The following GPT2 variants were observed in gnomAD, a reference collection of about 807,000 sequenced individuals.
The protein encoded by GPT2 is glutamic--pyruvic transaminase 2.
GPT2 carries 30 observed loss-of-function variants against 56.9 expected under a neutral mutation model. The observed-to-expected ratio is 0.53, with a 90% confidence interval of 0.39 to 0.72. GPT2 has a LOEUF of 0.72. GPT2 is among the 30% of genes least tolerant of loss of function. GPT2 has a pLI of 0.00. For missense variants in GPT2, 542 were observed against 703.4 expected (o/e 0.77, Z 2.60); for synonymous variants, 271 against 283.1 (o/e 0.96, Z 0.43).
At chr16:46,890,053 C>A (rs1960557077) in intron 2 of GPT2, among the ~76,000 whole-genome samples, 1 of 152,194 alleles carries the variant, frequency 6.6e-6, no homozygotes, top group Admixed American at 6.5e-5. Context: ...AGTTCAGGGG[C>A]CTACACCCTG....
chr16:46,922,916 T>A (rs1436867903), intron 9 of GPT2, among the ~76,000 whole-genome samples: 1 of 152,176 alleles, frequency 6.6e-6, no homozygotes, highest in Non-Finnish European at 1.5e-5. Flanking sequence ...ACTTCTTTTT[T>A]AAAAAATTGT....
intron 2 of GPT2, among the ~76,000 whole-genome samples, chr16:46,887,499 G>T (rs563229339): frequency 2.0e-5 from 3 of 152,306 alleles, no homozygotes; most frequent in African/African-American, 7.2e-5. Flanking sequence ...GTTAGAGATG[G>T]GATGGGCTAG....
In GPT2 at chr16:46,909,685, C is replaced by T. The variant is rs779101620; in HGVS notation, c.578C>T (p.Thr193Met). Residue 193 changes from threonine to methionine, a missense_variant and splice_region_variant, in exon 6 of 12, where the codon ACG becomes ATG. Transcript: ENST00000340124. ...CTAGATGTGAATTCTCTGTTGCAGACGATCCTGAAGATCCTCGTCTCCGGG... is the reference window on the plus strand; with the variant it reads ...CTAGATGTGAATTCTCTGTTGCAGATGATCCTGAAGATCCTCGTCTCCGGG... The part of the protein sequence containing the change: ...LTTGASDGIS[T>M]ILKILVSGGG... 10 of 1,612,630 alleles carry T rather than the reference C, an allele frequency of 6.2e-6. No individual in the cohort carries two copies. Among genetic ancestry groups the T allele is most frequent in the East Asian group, 2.2e-5 (1 of 44,830 alleles).
At chr16:46,910,418 G>A (rs1275151963) in intron 6 of GPT2, among the ~76,000 whole-genome samples, 2 of 148,986 alleles carry the variant, frequency 1.3e-5, no homozygotes, top group African/African-American at 5.0e-5. Context: ...ACTTAGCCAG[G>A]TGTGGTGGTA....
chr16:46,889,921 T>C (rs1596859328), intron 2 of GPT2, among the ~76,000 whole-genome samples: 1 of 152,216 alleles, frequency 6.6e-6, no homozygotes, highest in Non-Finnish European at 1.5e-5. Flanking sequence ...TCTTTCCTCC[T>C]GGGCCTCTGC....
intron 8 of GPT2, among the ~76,000 whole-genome samples, chr16:46,920,210 T>C (rs1417205197): frequency 6.6e-6 from 1 of 152,188 alleles, no homozygotes; most frequent in Non-Finnish European, 1.5e-5. Flanking sequence ...AGGATGGTGT[T>C]GCAGTCAACA....
At chr16:46,926,185 A>C (rs1250319525) in intron 10 of GPT2, among the ~76,000 whole-genome samples, 2 of 150,410 alleles carry the variant, frequency 1.3e-5, no homozygotes, top group East Asian at 3.9e-4. Context: ...GCGGTGGCTC[A>C]CGCCTGTAAT....
intron 9 of GPT2, 118 bp from the exon 10 acceptor site, chr16:46,924,271 C>A: frequency 8.5e-7 from 1 of 1,182,648 alleles, no homozygotes; most frequent in Non-Finnish European, 1.2e-6. Context: ...GACATGTGTT[C>A]AAAGCTGGAG....
At chr16:46,908,388 T>TG (rs1170458571) in intron 5 of GPT2, among the ~76,000 whole-genome samples, 4 of 150,630 alleles carry the variant, frequency 2.7e-5, no homozygotes, top group Admixed American at 2.6e-4. Flanking sequence ...AGTCCTGGGG[T>TG]GGGGGGACTG....
At chr16:46,894,294 G>T (rs1247384322) in intron 2 of GPT2, among the ~76,000 whole-genome samples, 1 of 152,168 alleles carries the variant, frequency 6.6e-6, no homozygotes, top group Non-Finnish European at 1.5e-5. Context: ...GCCCACAGCT[G>T]TGTGTTGGTT....
chr16:46,921,279 T>C (rs1961281050), intron 8 of GPT2, among the ~76,000 whole-genome samples: 1 of 152,236 alleles, frequency 6.6e-6, no homozygotes. Flanking sequence ...GTTCAAGCAA[T>C]TCTCCTGCCT....
At chr16:46,896,136 C>G (rs981983772) in intron 2 of GPT2, among the ~76,000 whole-genome samples, 1 of 152,224 alleles carries the variant, frequency 6.6e-6, no homozygotes. Context: ...CTGCTAAGGG[C>G]TTTCACACTG....
chr16:46,906,678 G>A (rs1960935837), intron 4 of GPT2, among the ~76,000 whole-genome samples, 164 bp from the exon 5 acceptor site: 1 of 152,176 alleles, frequency 6.6e-6, no homozygotes, highest in African/African-American at 2.4e-5. Flanking sequence ...AGCCAAGACA[G>A]GTGGTTAAGC....
intron 2 of GPT2, among the ~76,000 whole-genome samples, chr16:46,886,543 C>G (rs1960487765): frequency 6.6e-6 from 1 of 152,154 alleles, no homozygotes; most frequent in Non-Finnish European, 1.5e-5. Context: ...TTTTAGCAGG[C>G]AGAATACGTG....
At position 46,884,785 on chromosome 16, in the gene GPT2, C is replaced by T. The variant is rs1437184398; in HGVS notation, c.70C>T (p.Gln24Ter). The change falls in exon 2 of 12, where the codon CAG becomes TAG. Residue 24 changes from glutamine to a stop codon, truncating the protein, a stop_gained. Coordinates refer to ENST00000340124, the MANE Select transcript of GPT2 (RefSeq NM_133443.4). LOFTEE classifies it high-confidence loss of function. ...GACCCCCAGCTCCTGGGGCCGCAGC[C>T]AGAGCAGCGCGGCCGCCGAGGCCTC... ...PRTPSSWGRS[Q>*]SSAAAEASAV... 3 of 1,515,836 alleles carry T rather than the reference C, an allele frequency of 2.0e-6. No homozygotes were observed. The highest frequency in any genetic ancestry group is 2.2e-5 in the Admixed American group (1 of 46,182). 93.9% of individuals were successfully genotyped at this position (1,515,836 alleles called of 1,614,324 possible). A position where few individuals can be genotyped will look rare whatever the true frequency, so the allele number is the denominator to read the frequency against.
intron 8 of GPT2, 94 bp from the exon 9 acceptor site, chr16:46,922,148 G>A: frequency 2.5e-6 from 3 of 1,196,138 alleles, no homozygotes; most frequent in Non-Finnish European, 3.6e-6. Context: ...TTTGGTGTTG[G>A]GTGTGGGAAT....
In GPT2 at chr16:46,900,669, C is replaced by G. The variant is rs182780531; in HGVS notation, c.334-13C>G. 25 of 1,605,256 alleles carry G rather than the reference C, an allele frequency of 1.6e-5. No homozygotes were observed. Among genetic ancestry groups the G allele is most frequent in the Non-Finnish European group, 2.0e-5 (23 of 1,172,342 alleles). The stretch of plus-strand genomic sequence containing the variant: ...GGGGTGCTGGGAGCTCAGCCTGTGT[C>G]TTGTTCCCCCAGGTGATGGCACTAT... On this transcript the variant is annotated splice_polypyrimidine_tract_variant and intron_variant, in intron 3 of 11. Coordinates refer to ENST00000340124, the MANE Select transcript of GPT2 (RefSeq NM_133443.4).
intron 6 of GPT2, among the ~76,000 whole-genome samples, chr16:46,912,328 G>A (rs962340182): frequency 3.3e-5 from 5 of 152,180 alleles, no homozygotes; most frequent in African/African-American, 1.2e-4. Flanking sequence ...CCTCTGGGTT[G>A]CAGTCCTCAG....
rs780818527 is a variant in GPT2 at position 46,918,635 on chromosome 16, C to T, written c.915C>T (p.Asn305=). 14 of 1,614,026 alleles carry T rather than the reference C, an allele frequency of 8.7e-6. No homozygotes were observed. The highest frequency in any genetic ancestry group is 6.7e-5 in the Admixed American group (4 of 60,002). ...FLLADEVYQD[N]VYSPDCRFHS... ...TGCCCCCGCAGGTGTACCAGGACAACGTGTACTCTCCAGATTGCAGATTCC... is the reference window on the plus strand; with the variant it reads ...TGCCCCCGCAGGTGTACCAGGACAATGTGTACTCTCCAGATTGCAGATTCC... Residue 305 remains asparagine (N), a synonymous_variant, in exon 8 of 12, where the codon AAC becomes AAT. Transcript: ENST00000340124.
Sources: gnomAD v4.1 joint callset for allele counts (sites outside exome capture counted in the v4.1 genomes callset) on GRCh38, gnomAD v4.1.1 for gene constraint, MANE v1.5 for transcripts, NCBI Gene and HGNC (gene_info 2026-07-23, HGNC 2026-07-21) for gene names.